The following AXIN2 variants were observed in gnomAD, a reference collection of about 807,000 sequenced individuals.
AXIN2 encodes axin 2, also known as axin-2.
A neutral mutation model predicts 74.7 loss-of-function variants in AXIN2; 21 were observed. That is an observed-to-expected ratio of 0.28 (90% confidence interval 0.20 to 0.40). AXIN2 has a LOEUF of 0.40. Ranked by LOEUF, AXIN2 falls within the 10% of genes least tolerant of loss-of-function variation. AXIN2 has a pLI of 1.00. For missense variants in AXIN2, 1,144 were observed against 1,111.1 expected (o/e 1.03, Z -0.42); for synonymous variants, 532 against 454.9 (o/e 1.17, Z -2.16).
intron 2 of AXIN2, among the ~76,000 whole-genome samples, chr17:65,553,150 C>T (rs1408985531): frequency 6.6e-6 from 1 of 152,230 alleles, no homozygotes; most frequent in Non-Finnish European, 1.5e-5. Context: ...ATGTTGAACA[C>T]CTGTCCTGTG....
At chr17:65,549,843 C>T (rs1444282184) in intron 2 of AXIN2, among the ~76,000 whole-genome samples, 183 bp from the exon 3 acceptor site, 1 of 152,132 alleles carries the variant, frequency 6.6e-6, no homozygotes, top group Non-Finnish European at 1.5e-5. Flanking sequence ...CCTGAGCCAC[C>T]GGTTCACCCT....
chr17:65,550,493 C>T (rs556768024), intron 2 of AXIN2, among the ~76,000 whole-genome samples: 1 of 152,310 alleles, frequency 6.6e-6, no homozygotes, highest in East Asian at 1.9e-4. Context: ...TGCTGGGCCG[C>T]ATTCCTCTTG....
Position 65,537,534 on chromosome 17 carries a change from C to A in AXIN2, c.1502G>T (p.Gly501Val), listed in dbSNP as rs779029020. 9 of 1,613,390 alleles carry A rather than the reference C, an allele frequency of 5.6e-6. 1 individual carries two copies. In the African/African-American group the frequency reaches 1.2e-4, roughly 22 times the overall value. The change falls in exon 6 of 11, where the codon GGG becomes GTG. Residue 501 changes from glycine (G) to valine (V), a missense_variant. This residue lies in a region of AXIN2 where 1,053 missense variants were observed against 973.5 expected (regional missense o/e 1.08). Coordinates refer to ENST00000307078, the MANE Select transcript of AXIN2 (RefSeq NM_004655.4). ...AASPGACPLL[G>V]GKGFVTKQTT... ...CTGCTTGGTCACAAAGCCTTTGCCC[C>A]CGAGGAGGGGGCAGGCGCCCGGCGA... is the stretch of plus-strand genomic sequence containing the variant.
chr17:65,537,773 G>A lies in AXIN2; in HGVS notation c.1263C>T (p.His421=), dbSNP rs763220028. The change falls in exon 6 of 11, where the codon CAC becomes CAT. Residue 421 remains histidine (H), a synonymous_variant. Transcript: ENST00000307078. ...LNSREGAPTQ[H]PLSLLPSGSY... ...TGCCGGAGGGCAGTAGGGAGAGGGG[G>A]TGCTGCGTGGGCGCCCCCTCCCGCG... 9.5e-6 allele frequency: 15 copies of A among 1,586,794 alleles called. No homozygotes were observed. The South Asian group carries it at 1.5e-4, about 16-fold the overall frequency.
chr17:65,538,226 C>T lies in AXIN2; in HGVS notation c.1177G>A (p.Glu393Lys), dbSNP rs1555578459. The T allele has an allele frequency of 4.3e-6, 7 of 1,614,218 alleles. No individual in the cohort carries two copies. In the East Asian group the frequency reaches 1.3e-4, roughly 31 times the overall value. Residue 393 changes from glutamate (E) to lysine (K), a missense_variant, in exon 5 of 11, where the codon GAG becomes AAG. This residue lies in a region of AXIN2 where 1,053 missense variants were observed against 973.5 expected (regional missense o/e 1.08). Transcript: ENST00000307078. The part of the protein sequence containing the change: ...LELESRHSLE[E>K]RLQQIREDEE... ...ACCTCTCGGATCTGCTGCAGGCGCT[C>T]CTCCAGGCTGTGGCGGCTCTCCAAC... is the stretch of plus-strand genomic sequence containing the variant.
chr17:65,558,835 C>T, intron 1 of AXIN2, 99 bp from the exon 2 acceptor site: 2 of 595,810 alleles, frequency 3.4e-6, no homozygotes, highest in Non-Finnish European at 6.0e-6. Context: ...AGTAAACAGG[C>T]TTTTCAACTC....
At chr17:65,536,637 G>A (rs1051457399) in intron 7 of AXIN2, 84 bp from the exon 8 acceptor site, 55 of 1,496,538 alleles carry the variant, frequency 3.7e-5, no homozygotes, top group Middle Eastern at 1.7e-4. Context: ...ATAGAAACTT[G>A]TCTATTCTGC....
In AXIN2 at chr17:65,538,254, C is replaced by G. The variant is rs371063358; in HGVS notation, c.1149G>C (p.Leu383=). 8 of 1,614,088 alleles carry G rather than the reference C, an allele frequency of 5.0e-6. No homozygotes were observed. The highest frequency in any genetic ancestry group is 2.7e-5 in the African/African-American group (2 of 74,948). Residue 383 remains leucine (L), a synonymous_variant, in exon 5 of 11, where the codon CTG becomes CTC. Transcript: ENST00000307078. ...ELISRLEKLK[L]ELESRHSLEE... ...CCAGGCTGTGGCGGCTCTCCAACTC[C>G]AGCTTCAGCTTTTCCAGCCTCGAGA...
chr17:65,559,766 A>G (rs546790312), intron 1 of AXIN2, among the ~76,000 whole-genome samples: 9 of 152,292 alleles, frequency 5.9e-5, no homozygotes, highest in African/African-American at 2.2e-4. Flanking sequence ...AGATCAAACT[A>G]AGAAGGGTAG....
chr17:65,559,520 G>A (rs2044329763), intron 1 of AXIN2: 1 of 151,222 alleles, frequency 6.6e-6, no homozygotes. Flanking sequence ...ACTCACTCAG[G>A]GGAGACTTTC....
intron 1 of AXIN2, among the ~76,000 whole-genome samples, chr17:65,559,049 C>G (rs543933586): frequency 6.6e-6 from 1 of 152,108 alleles, no homozygotes. Flanking sequence ...AAGACACAAC[C>G]TTCCAAAAAC....
At chr17:65,531,607 C>T (rs2043818744) in intron 10 of AXIN2, among the ~76,000 whole-genome samples, 1 of 152,120 alleles carries the variant, frequency 6.6e-6, no homozygotes, top group Non-Finnish European at 1.5e-5. Context: ...GCTTTCACAG[C>T]ATGTCTGAGC....
intron 4 of AXIN2, among the ~76,000 whole-genome samples, chr17:65,538,840 A>G (rs2043994220): frequency 6.6e-6 from 1 of 152,084 alleles, no homozygotes; most frequent in Admixed American, 6.6e-5. Context: ...GGGAAAAGGG[A>G]GTCAAACGGC....
At position 65,529,284 on chromosome 17, in the gene AXIN2, T is replaced by C. The variant is rs1285385723; in HGVS notation, c.*692A>G. 10 of 236,076 alleles carry C rather than the reference T, an allele frequency of 4.2e-5. No homozygotes were observed. Among genetic ancestry groups the C allele is most frequent in the East Asian group, 3.0e-4 (5 of 16,626 alleles). The allele number at this position is 236,076 out of a possible 1,614,324, so 14.6% of individuals were successfully genotyped here. On this transcript the variant is annotated 3_prime_UTR_variant, in exon 11 of 11. Transcript: ENST00000307078. Reference sequence around the variant, plus strand: ...CCCATCCAACACAACCCCCAAAATGTTGATGATGACGCAACATGGTCAACC... The same window carrying C: ...CCCATCCAACACAACCCCCAAAATGCTGATGATGACGCAACATGGTCAACC...
At chr17:65,558,833 GGCTTT>G in intron 1 of AXIN2, 97 bp from the exon 2 acceptor site, 1 of 601,452 alleles carries the variant, frequency 1.7e-6, no homozygotes. Context: ...AAAGTAAACA[GGCTTT>G]TCAACTCCTC....
Position 65,537,346 on chromosome 17 carries a change from T to C in AXIN2, c.1690A>G (p.Thr564Ala), listed in dbSNP as rs139414862. 1.9e-6 allele frequency: 3 copies of C among 1,614,086 alleles called. No individual in the cohort carries two copies. Among genetic ancestry groups the C allele is most frequent in the Non-Finnish European group, 2.5e-6 (3 of 1,180,026 alleles). ...TACCCAAACTGCTCGCTGGGCATGG[T>C]TTCCGGAGCCTTGGAGTGGCTTTTG... ...KCKSHSKAPE[T>A]MPSEQFGGSR... Residue 564 changes from threonine (T) to alanine (A), a missense_variant, in exon 6 of 11, where the codon ACC becomes GCC. Around this residue, in one of 4 missense-constraint regions of AXIN2, gnomAD observed 1,053 missense variants for 973.5 expected, o/e 1.08. Transcript: ENST00000307078.
At chr17:65,536,213 G>C (rs1241523532) in intron 8 of AXIN2, 107 bp downstream of exon 8, 1 of 1,129,006 alleles carries the variant, frequency 8.9e-7, no homozygotes, top group Non-Finnish European at 1.3e-6. Flanking sequence ...TCTCATGGGA[G>C]GGTTTGAGAC....
intron 2 of AXIN2, among the ~76,000 whole-genome samples, chr17:65,550,436 T>C (rs923084214): frequency 2.0e-5 from 3 of 152,184 alleles, no homozygotes; most frequent in African/African-American, 7.2e-5. Flanking sequence ...TGGCTCCTAA[T>C]TTCACCCTCC....
chr17:65,555,210 C>T (rs577187718), intron 2 of AXIN2, among the ~76,000 whole-genome samples: 29 of 152,316 alleles, frequency 1.9e-4, no homozygotes, highest in African/African-American at 6.5e-4. Context: ...CTGCCAAGAC[C>T]GCTCCTCAGC....
Sources: allele counts gnomAD v4.1 joint callset (sites outside exome capture counted in the v4.1 genomes callset), GRCh38; gene constraint gnomAD v4.1.1; regional missense constraint gnomAD v4.1.1; transcripts MANE v1.5; gene names NCBI Gene and HGNC (gene_info 2026-07-23, HGNC 2026-07-21).